The following TMPRSS11A variants were observed in gnomAD, a reference collection of about 807,000 sequenced individuals.
The protein encoded by TMPRSS11A is transmembrane serine protease 11A, also known as transmembrane protease serine 11A.
TMPRSS11A carries 53 observed loss-of-function variants against 58.9 expected under a neutral mutation model. The observed-to-expected ratio is 0.90, with a 90% CI of 0.72 to 1.13. The LOEUF (loss-of-function observed/expected upper bound fraction) is 1.13. Ranked by LOEUF, TMPRSS11A falls within the 50% of genes most tolerant of loss-of-function variation. The probability of loss-of-function intolerance (pLI) is 0.00; values close to 1 mark genes in which losing one functional copy is unlikely to be tolerated. For missense variants in TMPRSS11A, 493 were observed against 499.3 expected (o/e 0.99, Z 0.12); for synonymous variants, 167 against 169.8 (o/e 0.98, Z 0.13).
At chr4:67,957,975 C>A (rs964342652) in intron 1 of TMPRSS11A, among the ~76,000 whole-genome samples, 4 of 152,156 alleles carry the variant, frequency 2.6e-5, no homozygotes, top group Non-Finnish European at 5.9e-5. Context: ...ATGCAAGCCC[C>A]AAGCCTTAGC....
In TMPRSS11A at chr4:67,911,397, A is replaced by T; in HGVS notation, c.1202T>A (p.Val401Asp). Reference protein sequence around the residue: ...DNCGQKDKPGVYTQVTYYRNW... With the variant: ...DNCGQKDKPGDYTQVTYYRNW... The stretch of plus-strand genomic sequence containing the variant: ...TCGGTAATAAGTCACTTGTGTGTAG[A>T]CTCCAGGCTTGTCCTTTTGACCACA... Residue 401 changes from valine to aspartate, a missense_variant, in exon 10 of 10, where the codon GTC (valine) becomes GAC (aspartate). By Grantham distance (152) the Val-to-Asp change is radical. Coordinates refer to ENST00000508048, the MANE Select transcript of TMPRSS11A (RefSeq NM_001114387.2). 1 of 1,613,302 alleles carries T rather than the reference A, an allele frequency of 6.2e-7. No homozygotes were observed. The highest frequency in any genetic ancestry group is 8.5e-7 in the Non-Finnish European group (1 of 1,179,524).
intron 5 of TMPRSS11A, among the ~76,000 whole-genome samples, chr4:67,929,629 G>T (rs558168183): frequency 6.6e-6 from 1 of 152,288 alleles, no homozygotes; most frequent in Admixed American, 6.5e-5. Context: ...CTCTCTGTTA[G>T]TTGTAAATGC....
At chr4:67,920,844 A>G (rs966477393) in intron 7 of TMPRSS11A, among the ~76,000 whole-genome samples, 1 of 152,152 alleles carries the variant, frequency 6.6e-6, no homozygotes, top group African/African-American at 2.4e-5. Context: ...CTGGATAAAG[A>G]AAATGTGGTA....
At chr4:67,922,717 T>C in intron 7 of TMPRSS11A, 38 bp downstream of exon 7, 1 of 1,573,058 alleles carries the variant, frequency 6.4e-7, no homozygotes, top group Non-Finnish European at 8.7e-7. Context: ...CAGGGCTTTT[T>C]AGCAGAAGTG....
At chr4:67,935,861 A>C (rs576944154) in intron 3 of TMPRSS11A, among the ~76,000 whole-genome samples, 16 of 152,078 alleles carry the variant, frequency 1.1e-4, no homozygotes, top group Non-Finnish European at 2.4e-4. Flanking sequence ...TGGACATTTT[A>C]GGTAATTGAT....
At chr4:67,961,594 TC>T (rs1721431944) in intron 1 of TMPRSS11A, among the ~76,000 whole-genome samples, 1 of 142,256 alleles carries the variant, frequency 7.0e-6, no homozygotes, top group South Asian at 2.4e-4. Context: ...CACTGCAACC[TC>T]CGACTCCCAA....
intron 3 of TMPRSS11A, among the ~76,000 whole-genome samples, chr4:67,934,653 G>A (rs539887989): frequency 1.3e-4 from 20 of 152,202 alleles, no homozygotes; most frequent in Admixed American, 1.1e-3. Context: ...ATTTTGACAT[G>A]CTGGAAATTA....
intron 1 of TMPRSS11A, among the ~76,000 whole-genome samples, chr4:67,960,877 A>G (rs556840268): frequency 7.2e-5 from 11 of 152,366 alleles, no homozygotes; most frequent in Admixed American, 5.9e-4. Context: ...TGCTGAAAAT[A>G]AAGAGCTATG....
intron 9 of TMPRSS11A, among the ~76,000 whole-genome samples, chr4:67,912,360 C>T (rs775024300): frequency 5.9e-5 from 9 of 151,924 alleles, no homozygotes; most frequent in Admixed American, 3.9e-4. Context: ...TGCTCAAATT[C>T]GAGCTGGTTA....
chr4:67,952,834 T>C (rs1411577800), intron 1 of TMPRSS11A, among the ~76,000 whole-genome samples: 2 of 152,348 alleles, frequency 1.3e-5, no homozygotes, highest in Admixed American at 6.5e-5. Flanking sequence ...ATACACAGCA[T>C]TGGGGCATTT....
rs2109728274 is a variant in TMPRSS11A at position 67,910,635 on chromosome 4, A to G, written c.*707T>C. The G allele has an allele frequency of 6.6e-6, 1 of 152,156 alleles. No individual in the cohort carries two copies. Among genetic ancestry groups the G allele is most frequent in the Non-Finnish European group, 1.5e-5 (1 of 67,918 alleles). 9.4% of individuals were successfully genotyped at this position (152,156 alleles called of 1,614,324 possible). On this transcript the variant is annotated 3_prime_UTR_variant, in exon 10 of 10. Coordinates refer to ENST00000508048, the MANE Select transcript of TMPRSS11A (RefSeq NM_001114387.2). The stretch of plus-strand genomic sequence containing the variant: ...TTTTGATTAACTAATCACTCTATCT[A>G]TCTATATATAATTCATTAATCGGGA...
In TMPRSS11A at chr4:67,914,691, A is replaced by G. The variant is rs140710488; in HGVS notation, c.992T>C (p.Ile331Thr). Residue 331 changes from isoleucine to threonine, a missense_variant, in exon 9 of 10, where the codon ATC (isoleucine) becomes ACC (threonine). Coordinates refer to ENST00000508048, the MANE Select transcript of TMPRSS11A (RefSeq NM_001114387.2). ...QNDLREARVK[I>T]ISDDVCKQPQ... ...TTGCTTGCAGACATCATCACTTATG[A>G]TTTTCACTCTGGCTTCTCGGAGATC... is the stretch of plus-strand genomic sequence containing the variant. 295 of 1,612,742 alleles carry G rather than the reference A, an allele frequency of 1.8e-4. 1 individual carries two copies. The highest frequency in any genetic ancestry group is 3.0e-4 in the Admixed American group (18 of 59,884).
At chr4:67,917,968 C>T (rs1720205036) in intron 8 of TMPRSS11A, among the ~76,000 whole-genome samples, 1 of 152,138 alleles carries the variant, frequency 6.6e-6, no homozygotes, top group African/African-American at 2.4e-5. Context: ...GCATGTCTCA[C>T]TCTGTATAAG....
intron 3 of TMPRSS11A, among the ~76,000 whole-genome samples, chr4:67,933,576 C>A (rs1237684971): frequency 2.0e-5 from 3 of 152,082 alleles, no homozygotes. Flanking sequence ...TTGCTAGTAT[C>A]CAAAATATGT....
intron 3 of TMPRSS11A, among the ~76,000 whole-genome samples, chr4:67,932,653 G>C (rs768803936): frequency 2.0e-5 from 3 of 152,100 alleles, no homozygotes; most frequent in African/African-American, 4.8e-5. Flanking sequence ...TGGTCCTCTA[G>C]CCTCCATCCT....
intron 1 of TMPRSS11A, among the ~76,000 whole-genome samples, chr4:67,960,438 G>C (rs1020928642): frequency 2.6e-5 from 4 of 152,122 alleles, no homozygotes; most frequent in Non-Finnish European, 5.9e-5. Flanking sequence ...TTACTAGCTT[G>C]TGATATTGGG....
chr4:67,942,912 C>A (rs1289298543), intron 3 of TMPRSS11A, among the ~76,000 whole-genome samples: 2 of 151,970 alleles, frequency 1.3e-5, no homozygotes, highest in African/African-American at 2.4e-5. Flanking sequence ...AGAGATGAAA[C>A]AAAAGTGATT....
rs1719930101 is a variant in TMPRSS11A, at chr4:67,910,229, T to C, written c.*1113A>G. On this transcript the variant is annotated 3_prime_UTR_variant, in exon 10 of 10. Coordinates refer to ENST00000508048, the MANE Select transcript of TMPRSS11A (RefSeq NM_001114387.2). ...GTGGTCCAAAAGAGAAAACATACTATATGTTATATGTTATAGCCCCATGTG... is the reference window on the plus strand; with the variant it reads ...GTGGTCCAAAAGAGAAAACATACTACATGTTATATGTTATAGCCCCATGTG... 6.6e-6 allele frequency: 1 copy of C among 152,068 alleles called. No homozygotes were observed. The highest frequency in any genetic ancestry group is 2.1e-4 in the South Asian group (1 of 4,834). The allele number at this position is 152,068 out of a possible 1,614,324, so 9.4% of individuals were successfully genotyped here. A position where few individuals can be genotyped will look rare whatever the true frequency, so the allele number is the denominator to read the frequency against.
chr4:67,926,795 G>A lies in TMPRSS11A; in HGVS notation c.482-2629C>T, dbSNP rs116607163. 5.4e-3 allele frequency among the ~76,000 whole-genome samples: 819 copies of A among 152,290 alleles called. 10 individuals carry two copies. Among genetic ancestry groups the A allele is most frequent in the African/African-American group, 0.019 (791 of 41,560 alleles). ...GTGGGGGAGCAGCTTGGTCAGGCAC[G>A]GAGGGGTGGGCAGAGAGGTGCTGGA... is the stretch of plus-strand genomic sequence containing the variant. On this transcript the variant is annotated intron_variant, in intron 5 of 9. Coordinates refer to ENST00000508048, the MANE Select transcript of TMPRSS11A (RefSeq NM_001114387.2).
Sources: allele counts gnomAD v4.1 joint callset (sites outside exome capture counted in the v4.1 genomes callset), GRCh38; gene constraint gnomAD v4.1.1; transcripts MANE v1.5; gene names NCBI Gene and HGNC (gene_info 2026-07-23, HGNC 2026-07-21).